NT5DC1: variants seen among roughly 807,000 people sequenced by gnomAD.
NT5DC1 encodes 5'-nucleotidase domain containing 1, also known as 5'-nucleotidase domain-containing protein 1.
NT5DC1 carries 42 observed loss-of-function variants against 59.4 expected under a neutral mutation model. That is an observed-to-expected ratio of 0.71 (90% CI 0.55 to 0.92). NT5DC1 has a LOEUF of 0.92. Ranked by LOEUF, NT5DC1 falls within the 40% of genes least tolerant of loss-of-function variation. The pLI, the probability that NT5DC1 is intolerant of heterozygous loss-of-function variation, is 0.00. For synonymous variants in NT5DC1, 172 were observed against 188.1 expected, an observed-to-expected ratio of 0.91 and a Z score of 0.70; for missense variants, 501 against 537.1, an observed-to-expected ratio of 0.93 and a Z score of 0.66.
rs111797128 is a variant in NT5DC1 at position 116,238,306 on chromosome 6, G to T, written c.1041G>T (p.Arg347Ser). The T allele has an allele frequency of 6.2e-6, 10 of 1,613,070 alleles. No individual in the cohort carries two copies. Among genetic ancestry groups the T allele is most frequent in the Non-Finnish European group, 6.8e-6 (8 of 1,179,536 alleles). ...GGGATGAAGGCACGAGGAGTCAGAG[G>T]CCTGAGGAGTCAGAGCCTCTAGAGA... ...LRGDEGTRSQ[R>S]PEESEPLEKK... The change falls in exon 10 of 12, where the codon AGG (arginine) becomes AGT (serine). Residue 347 changes from arginine (R) to serine (S), a missense_variant. Physicochemically the swap from Arg to Ser is moderately radical, Grantham distance 110. Transcript: ENST00000319550.
At chr6:116,184,856 A>G (rs1205491222) in intron 6 of NT5DC1, among the ~76,000 whole-genome samples, 2 of 151,298 alleles carry the variant, frequency 1.3e-5, no homozygotes, top group Non-Finnish European at 3.0e-5. Context: ...ATGTTTTGTA[A>G]TTTTTTTTGT....
intron 11 of NT5DC1, 145 bp from the exon 12 acceptor site, chr6:116,243,764 A>T: frequency 2.0e-6 from 1 of 500,042 alleles, no homozygotes; most frequent in Admixed American, 3.8e-5. Flanking sequence ...AATAATAGCT[A>T]CACACAGACC....
At chr6:116,140,482 G>C (rs1177290603) in intron 6 of NT5DC1, among the ~76,000 whole-genome samples, 1 of 151,976 alleles carries the variant, frequency 6.6e-6, no homozygotes, top group Non-Finnish European at 1.5e-5. Flanking sequence ...ATTCTTTTAT[G>C]CTAAAGGTGA....
chr6:116,116,843 T>C (rs1027234808), intron 5 of NT5DC1, among the ~76,000 whole-genome samples: 2 of 152,092 alleles, frequency 1.3e-5, no homozygotes, highest in African/African-American at 4.8e-5. Flanking sequence ...TCTTTAAATA[T>C]TTTGGAGTTT....
At chr6:116,172,159 G>A (rs540977905) in intron 6 of NT5DC1, among the ~76,000 whole-genome samples, 1 of 152,170 alleles carries the variant, frequency 6.6e-6, no homozygotes, top group African/African-American at 2.4e-5. Context: ...CCTTTCCTAA[G>A]TGATACAATC....
At chr6:116,112,747 A>G (rs889032659) in intron 4 of NT5DC1, among the ~76,000 whole-genome samples, 1 of 152,244 alleles carries the variant, frequency 6.6e-6, no homozygotes, top group Admixed American at 6.5e-5. Context: ...TTGCACTTTC[A>G]TACATATATC....
Position 116,169,376 on chromosome 6 carries a change from T to C in NT5DC1, c.529+51431T>C, listed in dbSNP as rs117878502. ...TTTAAAAAATGAAAACATGTTATAG[T>C]TTCCAGTTTATGACTGTTACAATAT... On this transcript the variant is annotated intron_variant, in intron 6 of 11. Coordinates refer to ENST00000319550, the MANE Select transcript of NT5DC1 (RefSeq NM_152729.3). 1.4e-3 allele frequency among the ~76,000 whole-genome samples: 215 copies of C among 152,362 alleles called. 3 individuals carry two copies. In the East Asian group the frequency reaches 0.037, roughly 26 times the overall value.
intron 6 of NT5DC1, among the ~76,000 whole-genome samples, chr6:116,182,222 A>AGTGTGT (rs35883565): frequency 0.019 from 2,412 of 124,648 alleles, 45 homozygotes; most frequent in African/African-American, 0.048. Context: ...TTCCATGGAG[A>AGTGTGT]GTGTGTGTGT....
intron 6 of NT5DC1, among the ~76,000 whole-genome samples, chr6:116,193,770 A>G (rs202143603): frequency 2.8e-5 from 1 of 35,488 alleles, no homozygotes; most frequent in Non-Finnish European, 5.7e-5. Context: ...TACTGTTAAA[A>G]ATAAAAAAAG....
At chr6:116,223,394 T>C (rs564456690) in intron 8 of NT5DC1, among the ~76,000 whole-genome samples, 27 of 152,362 alleles carry the variant, frequency 1.8e-4, no homozygotes, top group African/African-American at 6.3e-4. Flanking sequence ...TCGATAAATA[T>C]TTGAAGGATG....
chr6:116,161,829 T>G (rs1375786398), intron 6 of NT5DC1, among the ~76,000 whole-genome samples: 3 of 152,248 alleles, frequency 2.0e-5, no homozygotes, highest in African/African-American at 7.2e-5. Flanking sequence ...AGTATAGTCA[T>G]TTTAATGACA....
chr6:116,110,122 C>T (rs1758035879), intron 3 of NT5DC1, among the ~76,000 whole-genome samples: 1 of 152,120 alleles, frequency 6.6e-6, no homozygotes, highest in African/African-American at 2.4e-5. Context: ...GAATTATGCC[C>T]TTAGTATTTT....
At chr6:116,190,562 A>G (rs112025173) in intron 6 of NT5DC1, among the ~76,000 whole-genome samples, 1 of 152,026 alleles carries the variant, frequency 6.6e-6, no homozygotes, top group Admixed American at 6.6e-5. Flanking sequence ...CACAGCTAAA[A>G]TTAAATTGAG....
chr6:116,244,238 A>G lies in NT5DC1; in HGVS notation c.*214A>G. ...TCCTAAAACTTAGAACCTTATTGAT[A>G]TTTTCTATACAGTAGTTTTGTGATT... On this transcript the variant is annotated 3_prime_UTR_variant, in exon 12 of 12. Coordinates refer to ENST00000319550, the MANE Select transcript of NT5DC1 (RefSeq NM_152729.3). 1 of 364,064 alleles carries G rather than the reference A, an allele frequency of 2.7e-6. No individual in the cohort carries two copies. The highest frequency in any genetic ancestry group is 5.0e-6 in the Non-Finnish European group (1 of 201,712). 22.6% of individuals were successfully genotyped at this position (364,064 alleles called of 1,614,324 possible).
At chr6:116,141,098 A>T (rs938395014) in intron 6 of NT5DC1, among the ~76,000 whole-genome samples, 3 of 152,056 alleles carry the variant, frequency 2.0e-5, no homozygotes, top group Non-Finnish European at 4.4e-5. Flanking sequence ...TGTCATTTAA[A>T]CTTCAAGGTT....
intron 6 of NT5DC1, among the ~76,000 whole-genome samples, chr6:116,171,871 T>G (rs1459058120): frequency 1.3e-5 from 2 of 152,196 alleles, no homozygotes; most frequent in Non-Finnish European, 2.9e-5. Flanking sequence ...ACAGTTGTCT[T>G]TAAATTTGTT....
intron 1 of NT5DC1, among the ~76,000 whole-genome samples, chr6:116,102,001 C>T (rs948730428): frequency 3.3e-5 from 5 of 152,204 alleles, no homozygotes; most frequent in African/African-American, 9.7e-5. Context: ...TCAGTTTCCC[C>T]ATCTGTAAAA....
At chr6:116,203,083 G>A (rs558380097) in intron 6 of NT5DC1, among the ~76,000 whole-genome samples, 19 of 151,974 alleles carry the variant, frequency 1.3e-4, no homozygotes, top group African/African-American at 4.3e-4. Flanking sequence ...GTAGGACACA[G>A]GAAATAGTGA....
At chr6:116,112,568 GCA>G (rs1192417450) in intron 4 of NT5DC1, among the ~76,000 whole-genome samples, 2 of 152,126 alleles carry the variant, frequency 1.3e-5, no homozygotes, top group Non-Finnish European at 2.9e-5. Context: ...TCTGGCATCA[GCA>G]CACACACACT....
Sources: allele counts gnomAD v4.1 joint callset (sites outside exome capture counted in the v4.1 genomes callset), GRCh38; gene constraint gnomAD v4.1.1; transcripts MANE v1.5; gene names NCBI Gene and HGNC (gene_info 2026-07-23, HGNC 2026-07-21).